The following ALDH1L1 variants were observed in gnomAD, a reference collection of about 807,000 sequenced individuals.
The protein encoded by ALDH1L1 is aldehyde dehydrogenase 1 family member L1, also known as cytosolic 10-formyltetrahydrofolate dehydrogenase.
A neutral mutation model predicts 101.1 loss-of-function variants in ALDH1L1; 68 were observed. The ratio of observed to expected loss-of-function variants is 0.67; its 90% CI spans 0.55 to 0.82. The LOEUF is 0.82. Ranked by LOEUF, ALDH1L1 falls within the 40% of genes least tolerant of loss-of-function variation. ALDH1L1 has a pLI of 0.00. For synonymous variants in ALDH1L1, 486 were observed against 470.8 expected, an observed-to-expected ratio of 1.03 and a Z score of -0.42; for missense variants, 1,087 against 1,172.7, an observed-to-expected ratio of 0.93 and a Z score of 1.07.
In ALDH1L1 at chr3:126,124,435, G is replaced by A; in HGVS notation, c.1817C>T (p.Ala606Val). 6.2e-7 allele frequency: 1 copy of A among 1,611,448 alleles called. No individual in the cohort carries two copies. Among genetic ancestry groups the A allele is most frequent in the Non-Finnish European group, 8.5e-7 (1 of 1,178,852 alleles). The change falls in exon 16 of 23, where the codon GCC becomes GTC. Residue 606 changes from alanine to valine, a missense_variant. This residue lies in a region of ALDH1L1 where 442 missense variants were observed against 535.7 expected (regional missense o/e 0.83). Coordinates refer to ENST00000393434, the MANE Select transcript of ALDH1L1 (RefSeq NM_012190.4). ...IKPAQVTPLT[A>V]LKFAELTLKA... ...TAATGTCAGCTCTGCAAACTTCAAG[G>A]CTGTGAGTGGGGTCACCTGGGTGTG...
At chr3:126,174,421 A>G (rs2081336627) in intron 1 of ALDH1L1, among the ~76,000 whole-genome samples, 1 of 152,254 alleles carries the variant, frequency 6.6e-6, no homozygotes, top group African/African-American at 2.4e-5. Context: ...ATTGGCATTT[A>G]GAGAATACTT....
At chr3:126,118,194 G>A in intron 16 of ALDH1L1, 96 bp from the exon 17 acceptor site, 1 of 988,488 alleles carries the variant, frequency 1.0e-6, no homozygotes, top group Non-Finnish European at 1.6e-6. Flanking sequence ...CTGGGGGTCT[G>A]AGGCCCTCAA....
chr3:126,182,274 G>A (rs2108349441), upstream of ALDH1L1, among the ~76,000 whole-genome samples: 1 of 152,232 alleles, frequency 6.6e-6, no homozygotes, highest in East Asian at 1.9e-4. Flanking sequence ...AGCCTCCTGA[G>A]TAGCTGGGAT....
At chr3:126,106,776 G>A (rs184261480) in intron 21 of ALDH1L1, among the ~76,000 whole-genome samples, 16 of 152,310 alleles carry the variant, frequency 1.1e-4, no homozygotes, top group East Asian at 3.9e-4. Flanking sequence ...AACCTAGACC[G>A]TGACTAAAAT....
At chr3:126,132,863 C>T (rs1409113008) in intron 12 of ALDH1L1, among the ~76,000 whole-genome samples, 3 of 152,190 alleles carry the variant, frequency 2.0e-5, no homozygotes, top group Non-Finnish European at 2.9e-5. Context: ...CTGCTCTCTG[C>T]AGCGCCCAGC....
intron 2 of ALDH1L1, chr3:126,159,395 T>A (rs1240104756): frequency 4.4e-6 from 2 of 456,358 alleles, no homozygotes; most frequent in Non-Finnish European, 8.8e-6. Context: ...TGGCAGCTGC[T>A]TCCTGCAGTC....
At chr3:126,180,624 C>G (rs1352161681), upstream of ALDH1L1, 24 of 1,284,392 alleles carry the variant, frequency 1.9e-5, no homozygotes, top group Non-Finnish European at 2.3e-5. Context: ...GGCCAGAGCC[C>G]GTGAGGGGAG....
At chr3:126,181,216 C>G, upstream of ALDH1L1, 1 of 599,314 alleles carries the variant, frequency 1.7e-6, no homozygotes. Flanking sequence ...GAGATCCTGG[C>G]CAGCCCGGTC....
chr3:126,121,389 C>T (rs550748140), intron 16 of ALDH1L1, among the ~76,000 whole-genome samples: 73 of 152,212 alleles, frequency 4.8e-4, no homozygotes, highest in African/African-American at 1.6e-3. Flanking sequence ...AATATAAGAA[C>T]GGAATTTTAA....
intron 9 of ALDH1L1, among the ~76,000 whole-genome samples, chr3:126,144,985 C>A (rs568524033): frequency 6.6e-6 from 1 of 152,220 alleles, no homozygotes; most frequent in South Asian, 2.1e-4. Context: ...CAATAGCAAA[C>A]AAAACAAATA....
upstream of ALDH1L1, chr3:126,181,096 C>T: frequency 8.3e-7 from 1 of 1,206,982 alleles, no homozygotes; most frequent in Non-Finnish European, 1.2e-6. Context: ...CAGTGCCTAC[C>T]CGCCTCTCCG....
At chr3:126,127,608 G>A (rs953362225) in intron 14 of ALDH1L1, among the ~76,000 whole-genome samples, 1 of 152,172 alleles carries the variant, frequency 6.6e-6, no homozygotes. Flanking sequence ...GTGGCTGTTG[G>A]GCCAGGGTGC....
At chr3:126,174,881 A>G (rs2081343989) in intron 1 of ALDH1L1, among the ~76,000 whole-genome samples, 1 of 152,128 alleles carries the variant, frequency 6.6e-6, no homozygotes, top group African/African-American at 2.4e-5. Context: ...AGAAGAAAGG[A>G]AATAATAAAA....
chr3:126,170,366 C>G (rs2081249764), intron 1 of ALDH1L1, among the ~76,000 whole-genome samples: 2 of 144,178 alleles, frequency 1.4e-5, no homozygotes, highest in Admixed American at 1.4e-4. Flanking sequence ...GCAGGAATAA[C>G]AGTTACTAAC....
intron 19 of ALDH1L1, among the ~76,000 whole-genome samples, chr3:126,111,814 C>G (rs747409240): frequency 7.2e-5 from 11 of 152,262 alleles, no homozygotes; most frequent in Non-Finnish European, 1.5e-4. Context: ...AGATGCTGCT[C>G]TCCACAACCT....
chr3:126,143,360 G>C (rs1169539071), intron 9 of ALDH1L1, among the ~76,000 whole-genome samples: 1 of 152,092 alleles, frequency 6.6e-6, no homozygotes, highest in Non-Finnish European at 1.5e-5. Context: ...GGATATCCTG[G>C]ACAAAGGGGT....
chr3:126,162,560 T>C (rs1024138432), intron 1 of ALDH1L1, among the ~76,000 whole-genome samples: 4 of 152,236 alleles, frequency 2.6e-5, no homozygotes, highest in Non-Finnish European at 4.4e-5. Flanking sequence ...ATTGTTGCTC[T>C]GTTTTGTTTT....
At chr3:126,112,934 CCCGGCTCTGCCAGGGCCCAGCCG>C in intron 18 of ALDH1L1, 54 bp from the exon 19 acceptor site, 2 of 1,555,732 alleles carry the variant, frequency 1.3e-6, no homozygotes, top group Admixed American at 3.4e-5. Context: ...GACACCAGCC[CCCGGCTCTGCCAGGGCCCAGCCG>C]CCTCTTCTAA....
chr3:126,177,572 G>C (rs112144475), intron 1 of ALDH1L1, among the ~76,000 whole-genome samples: 110 of 152,254 alleles, frequency 7.2e-4, no homozygotes, highest in African/African-American at 2.2e-3. Context: ...GGGGTGGATG[G>C]GTAGAGCACA....
Sources: allele counts gnomAD v4.1 joint callset (sites outside exome capture counted in the v4.1 genomes callset), GRCh38; gene constraint gnomAD v4.1.1; regional missense constraint gnomAD v4.1.1; transcripts MANE v1.5; gene names NCBI Gene and HGNC (gene_info 2026-07-23, HGNC 2026-07-21).